Variants in FN1 observed in about 807,000 individuals in gnomAD.
FN1 encodes fibronectin 1.
FN1 carries 106 observed loss-of-function variants against 297.3 expected under a neutral mutation model. The ratio of observed to expected loss-of-function variants is 0.36; its 90% CI spans 0.30 to 0.42. FN1 has a LOEUF of 0.42. FN1 is among the 10% of genes least tolerant of loss of function. The probability of loss-of-function intolerance (pLI) is 1.00; values close to 1 mark genes in which losing one functional copy is unlikely to be tolerated. For synonymous variants in FN1, 1,149 were observed against 1,152.6 expected (o/e 1.00, Z 0.06); for missense variants, 2,690 against 3,124.9 (o/e 0.86, Z 3.32).
At chr2:215,405,911 T>A (rs912305177) in intron 19 of FN1, among the ~76,000 whole-genome samples, 1 of 152,198 alleles carries the variant, frequency 6.6e-6, no homozygotes, top group African/African-American at 2.4e-5. Flanking sequence ...CTAAGTGTTA[T>A]GATCCTGCAT....
At position 215,393,167 on chromosome 2, in the gene FN1, A is replaced by C. The variant is rs962014857; in HGVS notation, c.3833T>G (p.Ile1278Arg). ...CCTCAGGCCGATGCTTGAATCGGTT[A>C]TATCAACAAAGCTTAGGTCAGTGAG... ...PQLTDLSFVD[I>R]TDSSIGLRWT... Residue 1278 changes from isoleucine (I) to arginine (R), a missense_variant, in exon 25 of 46, where the codon ATA becomes AGA. This residue lies in a region of FN1 where 1,743 missense variants were observed against 1,945.2 expected (regional missense o/e 0.90). Coordinates refer to ENST00000354785, the MANE Select transcript of FN1 (RefSeq NM_212482.4). 6.2e-7 allele frequency: 1 copy of C among 1,613,920 alleles called. No homozygotes were observed. Among genetic ancestry groups the C allele is most frequent in the African/African-American group, 1.3e-5 (1 of 74,844 alleles).
intron 5 of FN1, 98 bp from the exon 6 acceptor site, chr2:215,428,436 T>G: frequency 1.9e-6 from 2 of 1,040,512 alleles, no homozygotes; most frequent in Non-Finnish European, 2.9e-6. Flanking sequence ...TGGTAATCTA[T>G]TTTTGGTAAT....
intron 26 of FN1, among the ~76,000 whole-genome samples, chr2:215,389,737 C>T (rs1022084412): frequency 6.6e-6 from 1 of 152,130 alleles, no homozygotes; most frequent in East Asian, 1.9e-4. Flanking sequence ...TTGCAGTGAG[C>T]CCAGATCGTG....
chr2:215,435,600 G>A (rs1261442684), intron 1 of FN1, 55 bp downstream of exon 1: 17 of 1,609,186 alleles, frequency 1.1e-5, no homozygotes, highest in Non-Finnish European at 1.4e-5. Context: ...AACTTTGGTC[G>A]GCTTTAGGGT....
At chr2:215,389,737 C>A (rs1022084412) in intron 26 of FN1, among the ~76,000 whole-genome samples, 12 of 152,128 alleles carry the variant, frequency 7.9e-5, no homozygotes, top group East Asian at 5.8e-4. Flanking sequence ...TTGCAGTGAG[C>A]CCAGATCGTG....
chr2:215,379,411 G>T (rs2057871689), intron 33 of FN1, 94 bp from the exon 34 acceptor site: 1 of 1,145,986 alleles, frequency 8.7e-7, no homozygotes, highest in East Asian at 2.4e-5. Context: ...GATTGTTCTT[G>T]TTGGGCTAGG....
At chr2:215,383,251 G>A in intron 31 of FN1, 77 bp downstream of exon 31, 5 of 1,409,592 alleles carry the variant, frequency 3.5e-6, no homozygotes, top group Middle Eastern at 2.1e-4. Context: ...CAAGTGATCT[G>A]CCCGCATCAG....
chr2:215,418,991 G>A (rs1247420804), intron 12 of FN1, among the ~76,000 whole-genome samples: 1 of 152,148 alleles, frequency 6.6e-6, no homozygotes. Context: ...TAACCTAACA[G>A]AATATTTTAC....
chr2:215,435,040 G>A (rs932762764), intron 1 of FN1, among the ~76,000 whole-genome samples: 1 of 152,154 alleles, frequency 6.6e-6, no homozygotes, highest in East Asian at 1.9e-4. Flanking sequence ...TTTAAAACAT[G>A]CAAGGAACTT....
At chr2:215,383,583 C>G in intron 30 of FN1, 100 bp from the exon 31 acceptor site, 1 of 1,178,784 alleles carries the variant, frequency 8.5e-7, no homozygotes, top group Non-Finnish European at 1.3e-6. Flanking sequence ...CGAATGATCG[C>G]TTACATGAGA....
chr2:215,399,326 A>G lies in FN1; in HGVS notation c.3279T>C (p.Pro1093=). The G allele has an allele frequency of 6.2e-7, 1 of 1,613,822 alleles. No individual in the cohort carries two copies. Among genetic ancestry groups the G allele is most frequent in the East Asian group, 2.2e-5 (1 of 44,880 alleles). The change falls in exon 21 of 46, where the codon CCT becomes CCC. Residue 1093 remains proline (P), a synonymous_variant. Transcript: ENST00000354785. ...TTLQPGSSIP[P]YNTEVTETTI... ...TGGTCTCAGTCACCTCGGTGTTGTA[A>G]GGTGGAATAGAGCTCCCAGGCTGCA...
Position 215,422,167 on chromosome 2 carries a change from C to G in FN1, c.1470G>C (p.Met490Ile). 1 of 1,614,108 alleles carries G rather than the reference C, an allele frequency of 6.2e-7. No individual in the cohort carries two copies. The highest frequency in any genetic ancestry group is 8.5e-7 in the Non-Finnish European group (1 of 1,179,908). Residue 490 changes from methionine to isoleucine, a missense_variant, in exon 10 of 46, where the codon ATG becomes ATC. Physicochemically the swap from Met to Ile is conservative, Grantham distance 10. Coordinates refer to ENST00000354785, the MANE Select transcript of FN1 (RefSeq NM_212482.4). ...IGDQWDKQHD[M>I]GHMMRCTCVG... ...CACACGTGCACCTCATCATGTGACC[C>G]ATGTCATGCTGCTTATCCCACTGAT...
At chr2:215,419,211 G>T in intron 12 of FN1, 31 bp downstream of exon 12, 1 of 1,609,752 alleles carries the variant, frequency 6.2e-7, no homozygotes, top group Non-Finnish European at 8.5e-7. Flanking sequence ...CCAATTGGCA[G>T]TTCTCAACTT....
At chr2:215,416,833 T>TG (rs1404690282) in intron 12 of FN1, among the ~76,000 whole-genome samples, 1 of 152,132 alleles carries the variant, frequency 6.6e-6, no homozygotes, top group African/African-American at 2.4e-5. Flanking sequence ...GGTACAGCAG[T>TG]GGTTTTTACT....
At chr2:215,387,026 G>A in intron 27 of FN1, 68 bp from the exon 28 acceptor site, 1 of 1,421,500 alleles carries the variant, frequency 7.0e-7, no homozygotes, top group Middle Eastern at 2.5e-4. Context: ...AGGAAGTGAG[G>A]AAGGTGTAGG....
Position 215,404,388 on chromosome 2 carries a change from C to T in FN1, c.3253+1G>A. The T allele has an allele frequency of 1.9e-6, 3 of 1,613,200 alleles. No individual in the cohort carries two copies. The highest frequency in any genetic ancestry group is 2.2e-5 in the South Asian group (2 of 91,058). On this transcript the variant is annotated splice_donor_variant, in intron 20 of 45. Coordinates refer to ENST00000354785, the MANE Select transcript of FN1 (RefSeq NM_212482.4). LOFTEE classifies it high-confidence loss of function. ...GAAAAGGCACTTAATTTTCAGCTTA[C>T]GTGTGGTAAAGACTCCAGTGGCTTT...
intron 13 of FN1, 98 bp downstream of exon 13, chr2:215,414,739 A>C (rs777721904): frequency 1.8e-4 from 282 of 1,567,268 alleles, no homozygotes; most frequent in Non-Finnish European, 2.3e-4. Flanking sequence ...GGAATAGTTA[A>C]TCAGAGTTGT....
In FN1 at chr2:215,386,556, T is replaced by C. The variant is rs72942065; in HGVS notation, c.4612+133A>G. On this transcript the variant is annotated intron_variant, in intron 28 of 45. Coordinates refer to ENST00000354785, the MANE Select transcript of FN1 (RefSeq NM_212482.4). ...TTCTCACTTCCCTCTCCATGTACCATGACAATGATCTATTTTTTTTTTTTT... is the reference window on the plus strand; with the variant it reads ...TTCTCACTTCCCTCTCCATGTACCACGACAATGATCTATTTTTTTTTTTTT... The C allele has an allele frequency of 0.01, 7,906 of 760,268 alleles. 74 individuals are homozygous for C. Among genetic ancestry groups the C allele is most frequent in the Middle Eastern group, 0.023 (64 of 2,786 alleles). The allele number at this position is 760,268 out of a possible 1,614,324, so 47.1% of individuals were successfully genotyped here.
rs1359370602 is a variant in FN1, at chr2:215,427,917, A to G, written c.844+263T>C. ...AAGTTTTATGATGCTAGCATTCTTT[A>G]AAACTCAGTTTTATCTTTTGGAGAT... On this transcript the variant is annotated intron_variant, in intron 6 of 45. Coordinates refer to ENST00000354785, the MANE Select transcript of FN1 (RefSeq NM_212482.4). 2.0e-5 allele frequency among the ~76,000 whole-genome samples: 3 copies of G among 152,178 alleles called. No individual in the cohort carries two copies. In the East Asian group the frequency reaches 5.8e-4, roughly 29 times the overall value.
Sources: allele counts gnomAD v4.1 joint callset (sites outside exome capture counted in the v4.1 genomes callset), GRCh38; gene constraint gnomAD v4.1.1; regional missense constraint gnomAD v4.1.1; transcripts MANE v1.5; gene names NCBI Gene and HGNC (gene_info 2026-07-23, HGNC 2026-07-21).